PAK5: variants seen among roughly 807,000 people sequenced by gnomAD.
PAK5 encodes serine/threonine-protein kinase PAK 5.
In PAK5, 16 loss-of-function variants were observed where a neutral mutation model predicts 65.9. The ratio of observed to expected loss-of-function variants is 0.24; its 90% CI spans 0.16 to 0.37. The LOEUF is 0.37. Among genes scored for constraint, PAK5 ranks in the 10% least tolerant of loss-of-function variants. The probability of loss-of-function intolerance (pLI) is 1.00; values close to 1 mark genes in which losing one functional copy is unlikely to be tolerated. For synonymous variants in PAK5, 371 were observed against 354.9 expected (o/e 1.05, Z -0.51); for missense variants, 785 against 903.9 (o/e 0.87, Z 1.69).
intron 2 of PAK5, among the ~76,000 whole-genome samples, chr20:9,676,183 C>A (rs1020303217): frequency 1.3e-5 from 2 of 152,052 alleles, no homozygotes; most frequent in Admixed American, 6.6e-5. Context: ...GTGAGACTTA[C>A]TATCACAAGA....
intron 2 of PAK5, among the ~76,000 whole-genome samples, chr20:9,655,637 T>C (rs1364277425): frequency 6.6e-6 from 1 of 152,218 alleles, no homozygotes; most frequent in South Asian, 2.1e-4. Flanking sequence ...CTCTGCTAGA[T>C]GTATCTATCA....
chr20:9,804,223 T>A (rs1163712522), intron 1 of PAK5, among the ~76,000 whole-genome samples: 1 of 152,200 alleles, frequency 6.6e-6, no homozygotes, highest in Non-Finnish European at 1.5e-5. Context: ...TTTCTCAACA[T>A]TGACCCCAGA....
At chr20:9,741,333 T>C (rs997364962) in intron 1 of PAK5, among the ~76,000 whole-genome samples, 2 of 152,102 alleles carry the variant, frequency 1.3e-5, no homozygotes, top group Non-Finnish European at 2.9e-5. Context: ...TCCTTTAGAT[T>C]ACCCTTGAGC....
intron 2 of PAK5, among the ~76,000 whole-genome samples, chr20:9,659,717 TA>T (rs1043667645): frequency 1.3e-5 from 2 of 152,166 alleles, no homozygotes; most frequent in Non-Finnish European, 2.9e-5. Context: ...CAATTTTAGA[TA>T]AAAAATCATA....
At chr20:9,639,075 C>T (rs1008860273) in intron 3 of PAK5, among the ~76,000 whole-genome samples, 1 of 151,998 alleles carries the variant, frequency 6.6e-6, no homozygotes, top group African/African-American at 2.4e-5. Context: ...TCTTTTCTGC[C>T]CATTTATTCA....
At chr20:9,726,041 G>GAGATA (rs1439645961) in intron 1 of PAK5, among the ~76,000 whole-genome samples, 1 of 152,052 alleles carries the variant, frequency 6.6e-6, no homozygotes, top group Admixed American at 6.6e-5. Context: ...TAAAGGTAGA[G>GAGATA]AGATAATCAA....
intron 1 of PAK5, among the ~76,000 whole-genome samples, chr20:9,811,713 T>C (rs2123756067): frequency 6.6e-6 from 1 of 152,322 alleles, no homozygotes; most frequent in Middle Eastern, 3.4e-3. Context: ...TTTTCAAATA[T>C]TATCTTTAAA....
chr20:9,710,283 C>T (rs1410445635), intron 2 of PAK5, among the ~76,000 whole-genome samples: 2 of 152,098 alleles, frequency 1.3e-5, no homozygotes, highest in African/African-American at 2.4e-5. Flanking sequence ...AGATAACCCA[C>T]CTAGAATATG....
intron 4 of PAK5, among the ~76,000 whole-genome samples, chr20:9,571,877 G>A (rs553835534): frequency 1.4e-5 from 2 of 146,026 alleles, no homozygotes; most frequent in East Asian, 4.1e-4. Context: ...TGAATGATGG[G>A]GGGGGGGGAT....
intron 1 of PAK5, among the ~76,000 whole-genome samples, chr20:9,786,857 A>T (rs537465721): frequency 6.6e-6 from 1 of 152,142 alleles, no homozygotes; most frequent in East Asian, 1.9e-4. Context: ...TCCTGTTGAG[A>T]TTCTATCATG....
chr20:9,670,988 A>G (rs1436829141), intron 2 of PAK5, among the ~76,000 whole-genome samples: 1 of 152,212 alleles, frequency 6.6e-6, no homozygotes, highest in African/African-American at 2.4e-5. Context: ...AGCTTTCTAC[A>G]TATGGCTAGC....
At chr20:9,618,926 T>TG (rs1452584418) in intron 3 of PAK5, among the ~76,000 whole-genome samples, 12 of 101,946 alleles carry the variant, frequency 1.2e-4, no homozygotes, top group African/African-American at 4.1e-4. Context: ...TTTTTTTTTT[T>TG]TTTTTTTTTT....
At chr20:9,800,652 A>C (rs1413366598) in intron 1 of PAK5, among the ~76,000 whole-genome samples, 4 of 152,144 alleles carry the variant, frequency 2.6e-5, no homozygotes, top group Non-Finnish European at 5.9e-5. Flanking sequence ...CAACTTCTCC[A>C]TGGCTGACGA....
chr20:9,668,888 C>G (rs1004345707), intron 2 of PAK5, among the ~76,000 whole-genome samples: 1 of 152,132 alleles, frequency 6.6e-6, no homozygotes, highest in Non-Finnish European at 1.5e-5. Context: ...GGGGAAGGCA[C>G]GAGGAGCCTG....
rs550893861 is a variant in PAK5 at position 9,603,811 on chromosome 20, G to A, written c.205-22881C>T. On this transcript the variant is annotated intron_variant, in intron 3 of 9. Coordinates refer to ENST00000353224, the MANE Select transcript of PAK5 (RefSeq NM_177990.4). ...TTTGCACTATTATCCCCATTTTACA[G>A]GTGTGGAAACTGAGTCTTGAGCCAG... Among the ~76,000 whole-genome samples the A allele has an allele frequency of 3.9e-5, 6 of 152,154 alleles. No homozygotes were observed. The South Asian group carries it at 1.2e-3, about 32-fold the overall frequency.
chr20:9,718,461 G>A (rs1218163191), intron 1 of PAK5, among the ~76,000 whole-genome samples: 1 of 152,034 alleles, frequency 6.6e-6, no homozygotes, highest in African/African-American at 2.4e-5. Flanking sequence ...TTGATACATG[G>A]TCTGTGCCAT....
intron 4 of PAK5, among the ~76,000 whole-genome samples, chr20:9,575,285 C>A (rs1021129251): frequency 6.6e-6 from 1 of 152,098 alleles, no homozygotes; most frequent in African/African-American, 2.4e-5. Flanking sequence ...ACCTTGAACT[C>A]CTGGGCTCAA....
At position 9,601,767 on chromosome 20, in the gene PAK5, T is replaced by C. The variant is rs547671296; in HGVS notation, c.205-20837A>G. 7.9e-5 allele frequency among the ~76,000 whole-genome samples: 12 copies of C among 152,144 alleles called. No individual in the cohort carries two copies. In the South Asian group the frequency reaches 2.5e-3, roughly 32 times the overall value. On this transcript the variant is annotated intron_variant, in intron 3 of 9. Transcript: ENST00000353224. The stretch of plus-strand genomic sequence containing the variant: ...CGACTGGTTCCTTGAGTCTTTGCCA[T>C]CTGCCCTGAAAAAAACCTGACCTGG...
At chr20:9,742,826 A>C (rs1177029588) in intron 1 of PAK5, among the ~76,000 whole-genome samples, 1 of 152,204 alleles carries the variant, frequency 6.6e-6, no homozygotes, top group African/African-American at 2.4e-5. Context: ...TTAACAGTGG[A>C]TCTGTCACTT....
Sources: gnomAD v4.1 joint callset for allele counts (sites outside exome capture counted in the v4.1 genomes callset) on GRCh38, gnomAD v4.1.1 for gene constraint, MANE v1.5 for transcripts, NCBI Gene and HGNC (gene_info 2026-07-23, HGNC 2026-07-21) for gene names.